The following EYA2 variants were observed in gnomAD, a reference collection of about 807,000 sequenced individuals.
EYA2 encodes EYA transcriptional coactivator and phosphatase 2, also known as protein phosphatase EYA2.
Under a neutral mutation model 69.2 loss-of-function variants are expected in EYA2, and 31 were observed. That is an observed-to-expected ratio of 0.45 (90% CI 0.34 to 0.60). The LOEUF (loss-of-function observed/expected upper bound fraction) is 0.60. Among genes scored for constraint, EYA2 ranks in the 20% least tolerant of loss-of-function variants. EYA2 has a pLI of 0.02. For synonymous variants in EYA2, 257 were observed against 279.4 expected (o/e 0.92, Z 0.80); for missense variants, 622 against 701.2 (o/e 0.89, Z 1.28).
intron 8 of EYA2, among the ~76,000 whole-genome samples, chr20:47,095,199 GA>G (rs890471861): frequency 6.6e-6 from 1 of 151,788 alleles, no homozygotes; most frequent in South Asian, 2.1e-4. Flanking sequence ...TACTCAGAGG[GA>G]AAAAAAGTTA....
chr20:47,047,976 G>A (rs1050251415), intron 5 of EYA2, among the ~76,000 whole-genome samples: 5 of 152,068 alleles, frequency 3.3e-5, no homozygotes, highest in Admixed American at 2.0e-4. Context: ...CCGCGCCCCT[G>A]CCTCCCTCTT....
intron 5 of EYA2, among the ~76,000 whole-genome samples, chr20:47,035,076 T>C (rs1384961963): frequency 6.6e-6 from 1 of 152,186 alleles, no homozygotes; most frequent in African/African-American, 2.4e-5. Flanking sequence ...GAGATGAACA[T>C]AGCCTTTCAA....
At chr20:47,149,473 G>A (rs2033774452) in intron 10 of EYA2, among the ~76,000 whole-genome samples, 1 of 151,890 alleles carries the variant, frequency 6.6e-6, no homozygotes, top group Non-Finnish European at 1.5e-5. Flanking sequence ...GGTTAAAATG[G>A]CAGGTGTGTT....
chr20:47,063,186 G>C (rs1253372678), intron 5 of EYA2, among the ~76,000 whole-genome samples: 2 of 152,052 alleles, frequency 1.3e-5, no homozygotes, highest in Admixed American at 6.6e-5. Flanking sequence ...CGCCCCAAAA[G>C]GAAACCCCAT....
At chr20:47,087,279 A>T (rs1037315352) in intron 7 of EYA2, among the ~76,000 whole-genome samples, 2 of 152,230 alleles carry the variant, frequency 1.3e-5, no homozygotes, top group Non-Finnish European at 2.9e-5. Flanking sequence ...CTTTTTAGAC[A>T]AAGGATTTTC....
chr20:46,986,755 CA>C (rs557218857), intron 1 of EYA2, among the ~76,000 whole-genome samples: 78 of 152,186 alleles, frequency 5.1e-4, no homozygotes, highest in African/African-American at 1.8e-3. Flanking sequence ...CTCTTTTAAA[CA>C]ACTAGTTCTT....
At chr20:47,064,665 A>G (rs1025879882) in intron 5 of EYA2, among the ~76,000 whole-genome samples, 1 of 151,670 alleles carries the variant, frequency 6.6e-6, no homozygotes, top group Non-Finnish European at 1.5e-5. Context: ...TTCTTTTTCT[A>G]TCTTTATTAT....
At chr20:46,924,662 T>A (rs1168980033) in intron 1 of EYA2, among the ~76,000 whole-genome samples, 1 of 83,430 alleles carries the variant, frequency 1.2e-5, no homozygotes. Context: ...AGAGCGAGAC[T>A]CCATCTCAAA....
In EYA2 at chr20:47,058,881, G is replaced by A. The variant is rs6012106; in HGVS notation, c.416-13304G>A. Among the ~76,000 whole-genome samples, 648 of 152,222 alleles carry A rather than the reference G, an allele frequency of 4.3e-3. 8 individuals carry two copies. The highest frequency in any genetic ancestry group is 0.015 in the African/African-American group (629 of 41,520). On this transcript the variant is annotated intron_variant, in intron 5 of 15. Transcript: ENST00000327619. The stretch of plus-strand genomic sequence containing the variant: ...ATGGTGGAGGAGGAGACATGCCCAC[G>A]GCAACATGGGTGGGTCTTAACAACT...
intron 1 of EYA2, among the ~76,000 whole-genome samples, chr20:46,958,828 G>C (rs1979298873): frequency 6.6e-6 from 1 of 152,166 alleles, no homozygotes; most frequent in South Asian, 2.1e-4. Context: ...TTTGCTAAGG[G>C]TAATGGCCTC....
intron 1 of EYA2, among the ~76,000 whole-genome samples, chr20:46,914,152 C>T (rs568796283): frequency 2.6e-5 from 4 of 152,344 alleles, no homozygotes; most frequent in African/African-American, 7.2e-5. Flanking sequence ...CAGCGGTTAA[C>T]GCTGGACACA....
intron 1 of EYA2, among the ~76,000 whole-genome samples, chr20:46,952,722 G>A (rs755529489): frequency 1.3e-5 from 2 of 152,212 alleles, no homozygotes; most frequent in Non-Finnish European, 2.9e-5. Flanking sequence ...GCAGGCTGAG[G>A]CCTGCGAGTT....
In EYA2 at chr20:46,912,570, T is replaced by C. The variant is rs563449851; in HGVS notation, c.-11+17583T>C. ...GCTTTTGTTTAGGGGGGAAAGAAGA[T>C]AGACAATAAAAAAGCAAATAGTAAG... On this transcript the variant is annotated intron_variant, in intron 1 of 15. Transcript: ENST00000327619. Among the ~76,000 whole-genome samples the C allele has an allele frequency of 9.2e-5, 14 of 152,010 alleles. No homozygotes were observed. In the South Asian group the frequency reaches 2.3e-3, roughly 25 times the overall value.
intron 1 of EYA2, among the ~76,000 whole-genome samples, chr20:46,953,006 A>G (rs1019817321): frequency 6.6e-6 from 1 of 152,206 alleles, no homozygotes; most frequent in Non-Finnish European, 1.5e-5. Context: ...ATAGAGTTCA[A>G]TTTTCAAATG....
rs140909663 is a variant in EYA2 at position 47,000,315 on chromosome 20, G to A, written c.110-1113G>A. 3.3e-3 allele frequency among the ~76,000 whole-genome samples: 497 copies of A among 152,260 alleles called. 6 individuals carry two copies. Among genetic ancestry groups the A allele is most frequent in the African/African-American group, 0.011 (471 of 41,556 alleles). ...AGTATTTTCATCCTCATTGCACAGG[G>A]GGGAGCCCTGAGGCCCAGAGATCTA... On this transcript the variant is annotated intron_variant, in intron 2 of 15. Transcript: ENST00000327619.
intron 1 of EYA2, among the ~76,000 whole-genome samples, chr20:46,923,372 A>G (rs1985266572): frequency 6.6e-6 from 1 of 152,250 alleles, no homozygotes; most frequent in Non-Finnish European, 1.5e-5. Context: ...CTTAAAAAAC[A>G]AACAAAAGAA....
intron 1 of EYA2, among the ~76,000 whole-genome samples, chr20:46,958,135 C>T (rs1279113544): frequency 2.6e-5 from 4 of 152,172 alleles, no homozygotes; most frequent in Non-Finnish European, 5.9e-5. Flanking sequence ...CCCTCGCTTG[C>T]AGTGATGGCA....
At chr20:46,898,024 G>A (rs1983898123) in intron 1 of EYA2, among the ~76,000 whole-genome samples, 1 of 152,092 alleles carries the variant, frequency 6.6e-6, no homozygotes, top group Non-Finnish European at 1.5e-5. Flanking sequence ...GGCACAAAAT[G>A]AAAAGAAAGA....
In EYA2 at chr20:47,188,110, G is replaced by A. The variant is rs1296654686; in HGVS notation, c.1594G>A (p.Ala532Thr). 1.9e-6 allele frequency: 3 copies of A among 1,586,328 alleles called. No homozygotes were observed. The highest frequency in any genetic ancestry group is 1.8e-5 in the Admixed American group (1 of 55,806). The change falls in exon 16 of 16, where the codon GCC becomes ACC. Residue 532 changes from alanine to threonine, a missense_variant. By Grantham distance (58) the Ala-to-Thr change is moderately conservative. Around this residue, in one of 2 missense-constraint regions of EYA2, gnomAD observed 257 missense variants for 351.5 expected, o/e 0.73. Transcript: ENST00000327619. The stretch of plus-strand genomic sequence containing the variant: ...CGCAGACCTGGAGGCACTGAGGCAC[G>A]CCCTGGAGCTGGAGTATTTATAGCA... ...CHADLEALRHALELEYL is the reference protein window; with the variant it reads ...CHADLEALRHTLELEYL
Sources: allele counts gnomAD v4.1 joint callset (sites outside exome capture counted in the v4.1 genomes callset), GRCh38; gene constraint gnomAD v4.1.1; regional missense constraint gnomAD v4.1.1; transcripts MANE v1.5; gene names NCBI Gene and HGNC (gene_info 2026-07-23, HGNC 2026-07-21).